CACNA2D3: variants seen among roughly 807,000 people sequenced by gnomAD.
The protein encoded by CACNA2D3 is calcium voltage-gated channel auxiliary subunit alpha2delta 3, also known as voltage-dependent calcium channel subunit alpha-2/delta-3.
A neutral mutation model predicts 160.6 loss-of-function variants in CACNA2D3; 60 were observed. The observed-to-expected ratio is 0.37, with a 90% CI of 0.30 to 0.46. CACNA2D3 has a LOEUF of 0.46. CACNA2D3 is among the 20% of genes least tolerant of loss of function. The probability of loss-of-function intolerance (pLI) is 1.00; values close to 1 mark genes in which losing one functional copy is unlikely to be tolerated. For synonymous variants in CACNA2D3, 558 were observed against 492.9 expected (o/e 1.13, Z -1.75); for missense variants, 1,205 against 1,365.0 (o/e 0.88, Z 1.85).
chr3:54,592,195 A>T (rs534004285), intron 9 of CACNA2D3, among the ~76,000 whole-genome samples: 1 of 152,308 alleles, frequency 6.6e-6, no homozygotes, highest in South Asian at 2.1e-4. Flanking sequence ...AACTCCATTT[A>T]AAAATGTCGA....
intron 14 of CACNA2D3, among the ~76,000 whole-genome samples, chr3:54,830,566 A>G (rs1458796034): frequency 6.6e-6 from 1 of 150,956 alleles, no homozygotes; most frequent in Admixed American, 6.6e-5. Context: ...CTCCTGCCTC[A>G]GCCTCCCAAG....
intron 27 of CACNA2D3, among the ~76,000 whole-genome samples, chr3:54,955,145 C>G (rs1446705404): frequency 2.6e-5 from 4 of 152,270 alleles, no homozygotes; most frequent in Non-Finnish European, 4.4e-5. Context: ...TATCCAATAA[C>G]CCAGTGGGGT....
intron 4 of CACNA2D3, among the ~76,000 whole-genome samples, chr3:54,464,487 C>T (rs992405028): frequency 6.6e-6 from 1 of 152,362 alleles, no homozygotes; most frequent in South Asian, 2.1e-4. Context: ...GGCGAGCGCC[C>T]CTCCCCCAGC....
intron 35 of CACNA2D3, among the ~76,000 whole-genome samples, chr3:55,035,611 C>T (rs950998359): frequency 9.2e-5 from 14 of 152,144 alleles, no homozygotes; most frequent in Non-Finnish European, 1.5e-4. Context: ...CTAACCATTT[C>T]CTCACTGGCC....
rs570420263 is a variant in CACNA2D3 at position 54,541,073 on chromosome 3, T to G, written c.545-21727T>G. On this transcript the variant is annotated intron_variant, in intron 5 of 37. Transcript: ENST00000474759. ...TGGGCAGATCACGAGGTCAGGATAT[T>G]GAGACCATCCTGGCTAACATGGTGA... Among the ~76,000 whole-genome samples the G allele has an allele frequency of 8.8e-4, 133 of 151,856 alleles. No individual in the cohort carries two copies. The South Asian group carries it at 0.011, about 13-fold the overall frequency.
chr3:54,491,788 A>G (rs556509407), intron 4 of CACNA2D3, among the ~76,000 whole-genome samples: 102 of 152,304 alleles, frequency 6.7e-4, no homozygotes, highest in African/African-American at 2.3e-3. Flanking sequence ...TGCAAAACCT[A>G]AAATATTTAC....
chr3:54,597,408 C>T (rs958634388), intron 9 of CACNA2D3, among the ~76,000 whole-genome samples: 4 of 152,082 alleles, frequency 2.6e-5, no homozygotes, highest in African/African-American at 9.7e-5. Context: ...CCACTTGCTC[C>T]TTGACCTCTC....
chr3:54,908,183 A>G (rs1254470068), intron 27 of CACNA2D3, among the ~76,000 whole-genome samples: 1 of 152,224 alleles, frequency 6.6e-6, no homozygotes, highest in African/African-American at 2.4e-5. Context: ...GCAACATATG[A>G]ACATTCCAAT....
intron 11 of CACNA2D3, among the ~76,000 whole-genome samples, chr3:54,716,063 G>A (rs185184889): frequency 7.9e-4 from 120 of 152,166 alleles, no homozygotes; most frequent in African/African-American, 2.4e-3. Flanking sequence ...ATCACATTGC[G>A]TATCTTGAAT....
At chr3:54,442,386 G>C (rs1367786234) in intron 4 of CACNA2D3, among the ~76,000 whole-genome samples, 1 of 152,142 alleles carries the variant, frequency 6.6e-6, no homozygotes, top group Non-Finnish European at 1.5e-5. Context: ...GAGCACAGAT[G>C]CTGTGCTTGG....
At chr3:54,778,397 C>T (rs1331727313) in intron 13 of CACNA2D3, among the ~76,000 whole-genome samples, 3 of 152,080 alleles carry the variant, frequency 2.0e-5, no homozygotes, top group Non-Finnish European at 4.4e-5. Flanking sequence ...CACACCGAGA[C>T]CACTGTACCT....
intron 11 of CACNA2D3, among the ~76,000 whole-genome samples, chr3:54,680,200 C>T (rs1203802723): frequency 1.3e-5 from 2 of 152,060 alleles, no homozygotes; most frequent in East Asian, 3.9e-4. Context: ...TAATCACCAG[C>T]TATGTCCCTG....
chr3:54,758,264 G>A (rs1702012485), intron 12 of CACNA2D3, among the ~76,000 whole-genome samples: 1 of 152,140 alleles, frequency 6.6e-6, no homozygotes, highest in African/African-American at 2.4e-5. Flanking sequence ...CCTTTAGATT[G>A]TTTTCTTCTT....
chr3:54,458,684 G>A (rs928750170), intron 4 of CACNA2D3, among the ~76,000 whole-genome samples: 1 of 151,940 alleles, frequency 6.6e-6, no homozygotes, highest in Admixed American at 6.6e-5. Flanking sequence ...AGGTTTCTGA[G>A]CTTCCTGGAT....
intron 11 of CACNA2D3, among the ~76,000 whole-genome samples, chr3:54,703,160 G>A (rs538572601): frequency 1.4e-4 from 21 of 151,878 alleles, no homozygotes; most frequent in African/African-American, 3.1e-4. Flanking sequence ...GAAATAATTC[G>A]TACACCAAAC....
intron 2 of CACNA2D3, among the ~76,000 whole-genome samples, chr3:54,144,047 G>T (rs1699982312): frequency 6.6e-6 from 1 of 152,070 alleles, no homozygotes; most frequent in African/African-American, 2.4e-5. Context: ...GATACAAAAA[G>T]AAAGAAATTT....
intron 11 of CACNA2D3, among the ~76,000 whole-genome samples, chr3:54,737,079 A>C (rs943975954): frequency 1.3e-5 from 2 of 152,186 alleles, no homozygotes; most frequent in African/African-American, 4.8e-5. Context: ...TGTATGCAAT[A>C]ACCTTATTCA....
chr3:54,816,418 A>T (rs1703456798), intron 13 of CACNA2D3, among the ~76,000 whole-genome samples: 1 of 152,186 alleles, frequency 6.6e-6, no homozygotes, highest in African/African-American at 2.4e-5. Flanking sequence ...AGAGGCCAAC[A>T]GCTCTCGCTC....
intron 6 of CACNA2D3, among the ~76,000 whole-genome samples, chr3:54,563,873 C>G (rs545213519): frequency 6.6e-6 from 1 of 152,204 alleles, no homozygotes; most frequent in Non-Finnish European, 1.5e-5. Flanking sequence ...ATCTGACCCT[C>G]GAGAATTGCC....
Sources: gnomAD v4.1 joint callset for allele counts (sites outside exome capture counted in the v4.1 genomes callset) on GRCh38, gnomAD v4.1.1 for gene constraint, MANE v1.5 for transcripts, NCBI Gene and HGNC (gene_info 2026-07-23, HGNC 2026-07-21) for gene names.